The following PDE3B variants were observed in gnomAD, a reference collection of about 807,000 sequenced individuals.
PDE3B encodes the protein phosphodiesterase 3B, also known as cGMP-inhibited 3',5'-cyclic phosphodiesterase 3B.
A neutral mutation model predicts 116.8 loss-of-function variants in PDE3B; 66 were observed. That is an observed-to-expected ratio of 0.56 (90% CI 0.46 to 0.69). The LOEUF is 0.69. PDE3B is among the 30% of genes least tolerant of loss of function. The pLI is 0.00. For synonymous variants in PDE3B, 595 were observed against 533.6 expected (o/e 1.12, Z -1.59); for missense variants, 1,384 against 1,368.1 (o/e 1.01, Z -0.18).
intron 1 of PDE3B, among the ~76,000 whole-genome samples, chr11:14,690,306 A>T (rs1427132939): frequency 6.6e-6 from 1 of 152,204 alleles, no homozygotes; most frequent in East Asian, 1.9e-4. Flanking sequence ...AAAGTTTATG[A>T]CATTACCAGT....
the PDE3B span, chr11:14,887,054 G>A: frequency 6.6e-6 from 1 of 152,270 alleles, no homozygotes; most frequent in South Asian, 2.1e-4. Context: ...GACAGTAGAA[G>A]AGTTCTAAGT....
intron 4 of PDE3B, among the ~76,000 whole-genome samples, chr11:14,797,915 C>T (rs1031399383): frequency 2.0e-5 from 3 of 152,100 alleles, no homozygotes; most frequent in African/African-American, 7.2e-5. Flanking sequence ...AATTGAATAC[C>T]GCTTATTTCT....
At chr11:14,861,971 A>C (rs563214471) in intron 14 of PDE3B, among the ~76,000 whole-genome samples, 63 of 152,304 alleles carry the variant, frequency 4.1e-4, no homozygotes, top group African/African-American at 1.5e-3. Context: ...CAGTGTGTTT[A>C]CTGAAATTGT....
In PDE3B at chr11:14,675,570, ATTTGT is replaced by A. The variant is rs76972633; in HGVS notation, c.978+30521_978+30525del. 2.4e-4 allele frequency among the ~76,000 whole-genome samples: 37 copies of A among 152,132 alleles called. 1 individual carries two copies. The East Asian group carries it at 2.7e-3, about 11-fold the overall frequency. ...CACTTACTGATTTCTATTGCCATGT[ATTTGT>A]TTTAACTGTTTTTTAACCTCTTTAA... On this transcript the variant is annotated intron_variant, in intron 1 of 15. Transcript: ENST00000282096.
chr11:14,895,270 T>C, the PDE3B span, among the ~76,000 whole-genome samples: 1 of 152,312 alleles, frequency 6.6e-6, no homozygotes, highest in South Asian at 2.1e-4. Context: ...TTCATCAGAA[T>C]TGAAGGAAGT....
intron 1 of PDE3B, among the ~76,000 whole-genome samples, chr11:14,722,873 A>AT (rs1012977736): frequency 7.9e-5 from 12 of 151,814 alleles, no homozygotes; most frequent in Non-Finnish European, 1.3e-4. Context: ...ATGTTATGAT[A>AT]TTTTTTTTAG....
At chr11:14,804,567 G>A (rs1013858525) in intron 5 of PDE3B, among the ~76,000 whole-genome samples, 2 of 152,036 alleles carry the variant, frequency 1.3e-5, no homozygotes, top group Non-Finnish European at 2.9e-5. Flanking sequence ...TGCTTTTAAA[G>A]TACATTATGG....
At chr11:14,722,749 G>A (rs1012393534) in intron 1 of PDE3B, among the ~76,000 whole-genome samples, 42 of 152,136 alleles carry the variant, frequency 2.8e-4, no homozygotes, top group African/African-American at 9.4e-4. Flanking sequence ...TGAACCAGAG[G>A]CACTCAGCTA....
chr11:14,708,305 C>T (rs1259054291), intron 1 of PDE3B, among the ~76,000 whole-genome samples: 1 of 152,070 alleles, frequency 6.6e-6, no homozygotes, highest in Non-Finnish European at 1.5e-5. Flanking sequence ...GAGGCCCTCC[C>T]TAGATGCAGA....
chr11:14,789,170 T>G lies in PDE3B; in HGVS notation c.1343T>G (p.Leu448Arg), dbSNP rs780593771. 3 of 1,611,152 alleles carry G rather than the reference T, an allele frequency of 1.9e-6. No homozygotes were observed. The South Asian group carries it at 3.3e-5, about 18-fold the overall frequency. ...LRRSSGTSGL[L>R]PVEQSSRWDR... Reference sequence around the variant, plus strand: ...AGAAGCTCAGGAACTTCAGGATTGCTACCTGTTGAACAGTCTTCAAGGTGG... The same window carrying G: ...AGAAGCTCAGGAACTTCAGGATTGCGACCTGTTGAACAGTCTTCAAGGTGG... The change falls in exon 4 of 16, where the codon CTA becomes CGA. Residue 448 changes from leucine (L) to arginine (R), a missense_variant. Transcript: ENST00000282096.
At chr11:14,852,147 C>T (rs1220565377) in intron 12 of PDE3B, among the ~76,000 whole-genome samples, 3 of 152,166 alleles carry the variant, frequency 2.0e-5, no homozygotes, top group Non-Finnish European at 4.4e-5. Flanking sequence ...ACCTCCATCT[C>T]CTGGATTCAA....
In PDE3B at chr11:14,819,318, G is replaced by T. The variant is rs1294230822; in HGVS notation, c.1807+109G>T. 6.0e-6 allele frequency: 4 copies of T among 664,250 alleles called. No homozygotes were observed. The Admixed American group carries it at 8.9e-5, about 15-fold the overall frequency. The allele number at this position is 664,250 out of a possible 1,614,324, so 41.1% of individuals were successfully genotyped here. On this transcript the variant is annotated intron_variant, in intron 7 of 15. Transcript: ENST00000282096. ...ACTTCAGTTTATCCATCTTTAAAAT[G>T]AAGATTATTATTTTTTACCCACTTC... is the stretch of plus-strand genomic sequence containing the variant.
intron 15 of PDE3B, among the ~76,000 whole-genome samples, chr11:14,868,125 G>A (rs993804066): frequency 1.3e-5 from 2 of 152,176 alleles, no homozygotes; most frequent in Non-Finnish European, 2.9e-5. Context: ...CATGTTTTGA[G>A]TAACTTCTAT....
chr11:14,862,327 T>C (rs1375758595), intron 14 of PDE3B, among the ~76,000 whole-genome samples: 1 of 152,174 alleles, frequency 6.6e-6, no homozygotes, highest in Non-Finnish European at 1.5e-5. Flanking sequence ...GATTCCAAGG[T>C]CTCTTTCAAC....
At position 14,867,064 on chromosome 11, in the gene PDE3B, T is replaced by TA. The variant is rs76676439; in HGVS notation, c.2887-427dup. 5.3e-3 allele frequency among the ~76,000 whole-genome samples: 725 copies of TA among 137,044 alleles called. 2 individuals carry two copies. The highest frequency in any genetic ancestry group is 9.8e-3 in the South Asian group (41 of 4,168). 89.9% of individuals were successfully genotyped at this position (137,044 alleles called of 152,430 possible). On this transcript the variant is annotated intron_variant, in intron 14 of 15. Transcript: ENST00000282096. ...TTGAATCATTAGAGAGTTCTGCTGTTAAAAAAAAAAAAAAAGGGGGTGGAG... is the reference window on the plus strand; with the variant it reads ...TTGAATCATTAGAGAGTTCTGCTGTTAAAAAAAAAAAAAAAAGGGGGTGGAG...
intron 1 of PDE3B, among the ~76,000 whole-genome samples, chr11:14,767,662 C>A (rs889288172): frequency 6.6e-6 from 1 of 151,300 alleles, no homozygotes; most frequent in Admixed American, 6.6e-5. Flanking sequence ...AGAACCTTTT[C>A]AGCTTTTAAG....
chr11:14,656,876 G>A (rs527567332), intron 1 of PDE3B, among the ~76,000 whole-genome samples: 1 of 152,130 alleles, frequency 6.6e-6, no homozygotes, highest in African/African-American at 2.4e-5. Flanking sequence ...GAGACAATCC[G>A]TTTTTATTGT....
At chr11:14,670,976 G>T (rs1384579512) in intron 1 of PDE3B, among the ~76,000 whole-genome samples, 1 of 151,776 alleles carries the variant, frequency 6.6e-6, no homozygotes, top group Admixed American at 6.6e-5. Flanking sequence ...TGAGCAGTTG[G>T]TACTACAAGT....
intron 1 of PDE3B, among the ~76,000 whole-genome samples, chr11:14,661,551 A>G (rs7124234): frequency 0.13 from 20,050 of 152,150 alleles, 1,517 homozygotes; most frequent in African/African-American, 0.2. Flanking sequence ...TCCCTTTCCT[A>G]GTCAAAGAAA....
Sources: allele counts gnomAD v4.1 joint callset (sites outside exome capture counted in the v4.1 genomes callset), GRCh38; gene constraint gnomAD v4.1.1; transcripts MANE v1.5; gene names NCBI Gene and HGNC (gene_info 2026-07-23, HGNC 2026-07-21).